The following GCC2 variants were observed in gnomAD, a reference collection of about 807,000 sequenced individuals.
GCC2 encodes GRIP and coiled-coil domain-containing protein 2.
Under a neutral mutation model 210.6 loss-of-function variants are expected in GCC2, and 120 were observed. The observed-to-expected ratio is 0.57, with a 90% CI of 0.49 to 0.66. The LOEUF is 0.66. GCC2 is among the 30% of genes least tolerant of loss of function. The pLI, the probability that GCC2 is intolerant of heterozygous loss-of-function variation, is 0.00. For missense variants in GCC2, 1,868 were observed against 1,871.9 expected, an observed-to-expected ratio of 1.00 and a Z score of 0.04; for synonymous variants, 703 against 652.7, an observed-to-expected ratio of 1.08 and a Z score of -1.17.
Position 108,450,951 on chromosome 2 carries a change from A to G in GCC2, c.64-77A>G, listed in dbSNP as rs1213992308. On this transcript the variant is annotated intron_variant, in intron 2 of 22. Transcript: ENST00000309863. ...ATTCTGTAGAATGTTTTTGTTTTCT[A>G]GCAGACATTGTTTCTTTTTTGTGGT... is the stretch of plus-strand genomic sequence containing the variant. 7.9e-6 allele frequency: 7 copies of G among 883,142 alleles called. No individual in the cohort carries two copies. In the East Asian group the frequency reaches 1.5e-4, roughly 19 times the overall value. 54.7% of individuals were successfully genotyped at this position (883,142 alleles called of 1,614,324 possible). A position where few individuals can be genotyped will look rare whatever the true frequency, so the allele number is the denominator to read the frequency against.
chr2:108,499,006 T>G (rs1193352562), intron 21 of GCC2, among the ~76,000 whole-genome samples: 1 of 144,866 alleles, frequency 6.9e-6, no homozygotes, highest in Non-Finnish European at 1.5e-5. Flanking sequence ...GTTCCCCAGC[T>G]TTCAACTCCA....
chr2:108,501,414 T>G (rs1311334500), intron 22 of GCC2, among the ~76,000 whole-genome samples: 1 of 152,190 alleles, frequency 6.6e-6, no homozygotes, highest in Non-Finnish European at 1.5e-5. Context: ...AGGGTAACAC[T>G]GAACTTGTTC....
intron 9 of GCC2, among the ~76,000 whole-genome samples, chr2:108,477,117 CTAAGTTT>C (rs1481558744): frequency 6.6e-6 from 1 of 151,856 alleles, no homozygotes; most frequent in Non-Finnish European, 1.5e-5. Context: ...TGACAGAATT[CTAAGTTT>C]TAAGTAAAAA....
At chr2:108,493,819 G>A (rs1250437444) in intron 19 of GCC2, 37 of 985,372 alleles carry the variant, frequency 3.8e-5, no homozygotes, top group Middle Eastern at 5.2e-4. Context: ...GGCAAAGGTC[G>A]CACAAGAGAT....
At chr2:108,484,123 A>C (rs1682009431) in intron 12 of GCC2, 26 bp from the exon 13 acceptor site, 3 of 1,518,854 alleles carry the variant, frequency 2.0e-6, no homozygotes, top group Non-Finnish European at 2.7e-6. Flanking sequence ...ACTATTGTGT[A>C]AATCTTTTAC....
Position 108,492,632 on chromosome 2 carries a change from G to A in GCC2, c.4289G>A (p.Ser1430Asn), listed in dbSNP as rs745378850. Reference protein sequence around the residue: ...MMKSEHTQTVSQLTSQNEVLR... With the variant: ...MMKSEHTQTVNQLTSQNEVLR... The stretch of plus-strand genomic sequence containing the variant: ...AAATCTGAACATACACAGACTGTGA[G>A]TCAGCTAACATCCCAGAACGAGGTC... The change falls in exon 19 of 23, where the codon AGT becomes AAT. Residue 1430 changes from serine to asparagine, a missense_variant. Physicochemically the swap from Ser to Asn is conservative, Grantham distance 46 (BLOSUM62 1). Coordinates refer to ENST00000309863, the MANE Select transcript of GCC2 (RefSeq NM_181453.4). The A allele has an allele frequency of 8.7e-6, 14 of 1,613,936 alleles. No individual in the cohort carries two copies. In the East Asian group the frequency reaches 8.9e-5, roughly 10 times the overall value.
intron 4 of GCC2, among the ~76,000 whole-genome samples, chr2:108,453,805 CAAAA>C (rs1680093274): frequency 6.8e-6 from 1 of 147,642 alleles, no homozygotes; most frequent in Non-Finnish European, 1.5e-5. Flanking sequence ...AAAAAAAACA[CAAAA>C]AATCTGAGTT....
chr2:108,470,213 A>G lies in GCC2; in HGVS notation c.884A>G (p.Tyr295Cys). Residue 295 changes from tyrosine (Y) to cysteine (C), a missense_variant, in exon 6 of 23, where the codon TAT (tyrosine) becomes TGT (cysteine). Tyr to Cys is a radical substitution (Grantham distance 194). Transcript: ENST00000309863. ...AGTGAAAAGAACATCCAGAAGAAAT[A>G]TGAATGTGAGTTAGAAAATTTAAGG... is the stretch of plus-strand genomic sequence containing the variant. ...EASEKNIQKK[Y>C]ECELENLRKA... 1 of 1,613,364 alleles carries G rather than the reference A, an allele frequency of 6.2e-7. No individual in the cohort carries two copies. The highest frequency in any genetic ancestry group is 8.5e-7 in the Non-Finnish European group (1 of 1,179,550).
Position 108,489,645 on chromosome 2 carries a change from G to T in GCC2, c.4053-193G>T, listed in dbSNP as rs1472152787. Among the ~76,000 whole-genome samples, 5 of 150,858 alleles carry T rather than the reference G, an allele frequency of 3.3e-5. No homozygotes were observed. The East Asian group carries it at 1.0e-3, about 30-fold the overall frequency. On this transcript the variant is annotated intron_variant, in intron 17 of 22. Transcript: ENST00000309863. ...GAGAAATTTTTTGTAAATCTGTAGT[G>T]CCTAAGATTTTAAATCTGGCTATAA...
chr2:108,484,426 CA>C (rs1682026183), intron 13 of GCC2, 115 bp downstream of exon 13: 1 of 612,448 alleles, frequency 1.6e-6, no homozygotes, highest in African/African-American at 1.9e-5. Context: ...AGGTGTTTAA[CA>C]CAGTGATAAA....
At chr2:108,466,618 G>A (rs1327790584) in intron 4 of GCC2, among the ~76,000 whole-genome samples, 1 of 151,532 alleles carries the variant, frequency 6.6e-6, no homozygotes, top group African/African-American at 2.4e-5. Flanking sequence ...GAGTACAGGC[G>A]CCCACCACCA....
Position 108,469,036 on chromosome 2 carries a change from G to A in GCC2, c.273G>A (p.Gln91=). Residue 91 remains glutamine, a synonymous_variant, in exon 5 of 23, where the codon CAG becomes CAA. Coordinates refer to ENST00000309863, the MANE Select transcript of GCC2 (RefSeq NM_181453.4). The part of the protein sequence containing the change: ...LLLEKAETEQ[Q]CLSLKKENIK... The stretch of plus-strand genomic sequence containing the variant: ...TGGAAAAAGCAGAGACTGAGCAACA[G>A]TGTCTTTCTCTGAAAAAGGAAAATA... 1 of 1,613,092 alleles carries A rather than the reference G, an allele frequency of 6.2e-7. No individual in the cohort carries two copies.
chr2:108,496,948 T>C (rs1207180102), intron 20 of GCC2, 22 bp from the exon 21 acceptor site: 5 of 1,611,142 alleles, frequency 3.1e-6, no homozygotes, highest in Non-Finnish European at 4.2e-6. Context: ...TGAAAATTAA[T>C]TCTTGGAACA....
At chr2:108,468,727 C>G (rs143691846) in intron 4 of GCC2, among the ~76,000 whole-genome samples, 1 of 152,336 alleles carries the variant, frequency 6.6e-6, no homozygotes, top group African/African-American at 2.4e-5. Flanking sequence ...TTTCCTTGTG[C>G]AGGTCCTTAG....
chr2:108,453,208 T>G (rs762720934), intron 4 of GCC2, among the ~76,000 whole-genome samples: 5 of 152,238 alleles, frequency 3.3e-5, no homozygotes, highest in Non-Finnish European at 7.3e-5. Flanking sequence ...TTGCTTCCCT[T>G]GGTTAGACCA....
intron 4 of GCC2, among the ~76,000 whole-genome samples, 169 bp downstream of exon 4, chr2:108,452,635 C>G (rs1011762548): frequency 1.0e-4 from 15 of 148,970 alleles, no homozygotes; most frequent in African/African-American, 3.7e-4. Context: ...CTCTGGGTCT[C>G]TTTCTGTTCT....
intron 4 of GCC2, among the ~76,000 whole-genome samples, chr2:108,467,348 G>A (rs1680955949): frequency 6.6e-6 from 1 of 152,026 alleles, no homozygotes; most frequent in Non-Finnish European, 1.5e-5. Flanking sequence ...AACTGACTTT[G>A]TATATTAATC....
At chr2:108,454,549 T>G (rs1680144673) in intron 4 of GCC2, among the ~76,000 whole-genome samples, 1 of 152,246 alleles carries the variant, frequency 6.6e-6, no homozygotes, top group African/African-American at 2.4e-5. Flanking sequence ...CATTATATGT[T>G]TTCTTAATCC....
At chr2:108,480,012 A>G (rs1390654331) in intron 9 of GCC2, among the ~76,000 whole-genome samples, 1 of 148,710 alleles carries the variant, frequency 6.7e-6, no homozygotes, top group Non-Finnish European at 1.5e-5. Flanking sequence ...AAAAAAAACG[A>G]AAAACCCCAC....
Sources: gnomAD v4.1 joint callset for allele counts (sites outside exome capture counted in the v4.1 genomes callset) on GRCh38, gnomAD v4.1.1 for gene constraint, MANE v1.5 for transcripts, NCBI Gene and HGNC (gene_info 2026-07-23, HGNC 2026-07-21) for gene names.